Variants in FGF23 observed in about 807,000 individuals in gnomAD.
FGF23 encodes phosphatonin.
A neutral mutation model predicts 9.0 loss-of-function variants in FGF23; 8 were observed. The observed-to-expected ratio is 0.89, with a 90% confidence interval of 0.52 to 1.60. The LOEUF (loss-of-function observed/expected upper bound fraction) is 1.60, where lower values mean the gene tolerates loss of function less well. FGF23 is among the 40% of genes most tolerant of loss of function. FGF23 has a pLI of 0.00. For synonymous variants in FGF23, 118 were observed against 146.2 expected (o/e 0.81, Z 1.39); for missense variants, 311 against 344.3 (o/e 0.90, Z 0.77).
In FGF23 at chr12:4,368,272, C is replaced by T; in HGVS notation, c.*2071G>A. On this transcript the variant is annotated 3_prime_UTR_variant, in exon 3 of 3. Transcript: ENST00000237837. ...AAAACTTAAATAATTCTGTCTAGATCAATTAAAATCATTGAGTCTCCTTAT... is the reference window on the plus strand; with the variant it reads ...AAAACTTAAATAATTCTGTCTAGATTAATTAAAATCATTGAGTCTCCTTAT... 5.8e-6 allele frequency: 1 copy of T among 172,138 alleles called. No homozygotes were observed. The allele number at this position is 172,138 out of a possible 1,614,324, so 10.7% of individuals were successfully genotyped here.
intron 2 of FGF23, among the ~76,000 whole-genome samples, chr12:4,371,024 A>G (rs185470697): frequency 3.9e-5 from 6 of 152,280 alleles, no homozygotes; most frequent in African/African-American, 1.4e-4. Context: ...TACTGCCTGG[A>G]GGCCCGGGCT....
chr12:4,379,222 CACACACACACACAAAG>C, intron 1 of FGF23, 134 bp downstream of exon 1: 1 of 631,616 alleles, frequency 1.6e-6, no homozygotes, highest in Non-Finnish European at 2.9e-6. Flanking sequence ...CACACACAAA[CACACACACACACAAAG>C]ACAATAAGTG....
chr12:4,375,883 C>G (rs538164333), intron 1 of FGF23, among the ~76,000 whole-genome samples: 1 of 152,296 alleles, frequency 6.6e-6, no homozygotes, highest in East Asian at 1.9e-4. Context: ...TCAACCTCTG[C>G]TTATAGAAGT....
Position 4,379,650 on chromosome 12 carries a change from C to A in FGF23, c.-68G>T. The A allele has an allele frequency of 7.3e-7, 1 of 1,367,104 alleles. No homozygotes were observed. The allele number at this position is 1,367,104 out of a possible 1,614,324, so 84.7% of individuals were successfully genotyped here. A position where few individuals can be genotyped will look rare whatever the true frequency, so the allele number is the denominator to read the frequency against. Reference sequence around the variant, plus strand: ...CACTCCTGTCGGGACTCTCCTGGCCCAGGCCTTACTGGCCTTTTCCTTCTC... The same window carrying A: ...CACTCCTGTCGGGACTCTCCTGGCCAAGGCCTTACTGGCCTTTTCCTTCTC... On this transcript the variant is annotated 5_prime_UTR_variant, in exon 1 of 3. Coordinates refer to ENST00000237837, the MANE Select transcript of FGF23 (RefSeq NM_020638.3).
Position 4,372,607 on chromosome 12 carries a change from T to C in FGF23, c.302A>G (p.Asn101Ser). 1.2e-6 allele frequency: 2 copies of C among 1,606,600 alleles called. No homozygotes were observed. The highest frequency in any genetic ancestry group is 1.7e-6 in the Non-Finnish European group (2 of 1,173,108). Reference sequence around the variant, plus strand: ...AAAGAAACTCACTGATCCAAAAATGTTGCCTCTGAAATCCATGCAGAGGTA... The same window carrying C: ...AAAGAAACTCACTGATCCAAAAATGCTGCCTCTGAAATCCATGCAGAGGTA... ...RRYLCMDFRG[N>S]IFGSHYFDPE... Residue 101 changes from asparagine (N) to serine (S), a missense_variant, in exon 2 of 3, where the codon AAC becomes AGC. Asn to Ser is a conservative substitution (Grantham distance 46, BLOSUM62 1). Coordinates refer to ENST00000237837, the MANE Select transcript of FGF23 (RefSeq NM_020638.3).
intron 1 of FGF23, among the ~76,000 whole-genome samples, chr12:4,374,940 T>A (rs1025388193): frequency 6.6e-6 from 1 of 152,098 alleles, no homozygotes; most frequent in African/African-American, 2.4e-5. Flanking sequence ...ACTAAGAGTC[T>A]GAGAAGACAA....
intron 1 of FGF23, among the ~76,000 whole-genome samples, 166 bp downstream of exon 1, chr12:4,379,206 C>CACACACACACAA (rs2120746519): frequency 6.6e-6 from 1 of 150,616 alleles, no homozygotes; most frequent in Admixed American, 6.6e-5. Flanking sequence ...CACACGCACA[C>CACACACACACAA]ACACACACAC....
rs1038470722 is a variant in FGF23, at chr12:4,368,853, C to T, written c.*1490G>A. 5 of 217,634 alleles carry T rather than the reference C, an allele frequency of 2.3e-5. No individual in the cohort carries two copies. The highest frequency in any genetic ancestry group is 1.1e-4 in the African/African-American group (5 of 44,486). 13.5% of individuals were successfully genotyped at this position (217,634 alleles called of 1,614,324 possible). ...CCAGTCCTTCAAGTTCAGCTTAAAA[C>T]CATCAGGTAAAAACAGTTGCCCAAC... On this transcript the variant is annotated 3_prime_UTR_variant, in exon 3 of 3. Transcript: ENST00000237837.
chr12:4,374,076 A>G lies in FGF23; in HGVS notation c.212-1379T>C, dbSNP rs182022761. 2.6e-5 allele frequency among the ~76,000 whole-genome samples: 4 copies of G among 152,344 alleles called. No homozygotes were observed. In the East Asian group the frequency reaches 7.7e-4, roughly 29 times the overall value. ...AGCAATAATTAGGTACTAGCTGAGT[A>G]GAAATCATGATAGGGACTGAAATTG... is the stretch of plus-strand genomic sequence containing the variant. On this transcript the variant is annotated intron_variant, in intron 1 of 2. Coordinates refer to ENST00000237837, the MANE Select transcript of FGF23 (RefSeq NM_020638.3).
At chr12:4,374,908 T>G (rs918311220) in intron 1 of FGF23, among the ~76,000 whole-genome samples, 6 of 152,138 alleles carry the variant, frequency 3.9e-5, no homozygotes, top group Non-Finnish European at 5.9e-5. Flanking sequence ...CACCACCCGG[T>G]AACAAGCCTC....
chr12:4,373,975 T>G (rs1269209532), intron 1 of FGF23, among the ~76,000 whole-genome samples: 1 of 151,988 alleles, frequency 6.6e-6, no homozygotes, highest in Non-Finnish European at 1.5e-5. Context: ...TGGAGCCTTG[T>G]GGGGGTGATT....
intron 1 of FGF23, among the ~76,000 whole-genome samples, chr12:4,378,765 G>C (rs1181879299): frequency 6.6e-6 from 1 of 151,626 alleles, no homozygotes; most frequent in Non-Finnish European, 1.5e-5. Flanking sequence ...TGGATGGATG[G>C]ATGGATGGAT....
chr12:4,375,655 T>C (rs1440733758), intron 1 of FGF23, among the ~76,000 whole-genome samples: 1 of 152,130 alleles, frequency 6.6e-6, no homozygotes, highest in Non-Finnish European at 1.5e-5. Flanking sequence ...TTGGAACAGC[T>C]TGGGATTTGG....
chr12:4,373,597 A>T (rs903128922), intron 1 of FGF23, among the ~76,000 whole-genome samples: 30 of 152,196 alleles, frequency 2.0e-4, no homozygotes, highest in Middle Eastern at 3.4e-3. Context: ...CCCTCTCAAA[A>T]ACTAGTCTCC....
chr12:4,370,637 G>C lies in FGF23; in HGVS notation c.462C>G (p.Tyr154Ter). The C allele has an allele frequency of 6.2e-7, 1 of 1,614,148 alleles. No individual in the cohort carries two copies. The highest frequency in any genetic ancestry group is 1.1e-5 in the South Asian group (1 of 91,078). ...AFLPGMNPPP[Y>*]SQFLSRRNEI... ...CGTTCCTCCGGGACAGGAACTGGGA[G>C]TACGGGGGTGGGTTCATGCCTGGCA... Residue 154 changes from tyrosine (Y) to a stop codon, truncating the protein, a stop_gained, in exon 3 of 3, where the codon TAC becomes TAG. Transcript: ENST00000237837. LOFTEE classifies it low-confidence loss of function (END_TRUNC).
chr12:4,370,374 T>C lies in FGF23; in HGVS notation c.725A>G (p.Glu242Gly), dbSNP rs533960997. 39 of 1,613,604 alleles carry C rather than the reference T, an allele frequency of 2.4e-5. No homozygotes were observed. In the African/African-American group the frequency reaches 5.1e-4, roughly 21 times the overall value. The change falls in exon 3 of 3, where the codon GAA becomes GGA. Residue 242 changes from glutamate (E) to glycine (G), a missense_variant. Coordinates refer to ENST00000237837, the MANE Select transcript of FGF23 (RefSeq NM_020638.3). ...VNTHAGGTGP[E>G]GCRPFAKFI is the part of the protein sequence containing the mutation. ...GAACTTGGCGAAGGGGCGGCAGCCT[T>C]CCGGGCCCGTTCCCCCAGCGTGCGT...
chr12:4,378,477 C>T (rs1865142698), intron 1 of FGF23, among the ~76,000 whole-genome samples: 1 of 152,160 alleles, frequency 6.6e-6, no homozygotes, highest in Admixed American at 6.5e-5. Context: ...CACATTACCC[C>T]TTATATAGGT....
At chr12:4,375,301 G>A (rs118079486) in intron 1 of FGF23, among the ~76,000 whole-genome samples, 187 of 152,292 alleles carry the variant, frequency 1.2e-3, no homozygotes, top group Middle Eastern at 3.4e-3. Flanking sequence ...GTCAGTGTGG[G>A]CAGTGTGTAT....
rs71583766 is a variant in FGF23 at position 4,369,345 on chromosome 12, G to C, written c.*998C>G. ...CCCAGAGCAGTCCCAGTCTCTCAAA[G>C]CCCCCTTCCCAGTCACATTTTTGTA... is the stretch of plus-strand genomic sequence containing the variant. On this transcript the variant is annotated 3_prime_UTR_variant, in exon 3 of 3. Transcript: ENST00000237837. 2.0e-4 allele frequency: 47 copies of C among 231,660 alleles called. No homozygotes were observed. Among genetic ancestry groups the C allele is most frequent in the Middle Eastern group, 1.3e-3 (1 of 784 alleles). The allele number at this position is 231,660 out of a possible 1,614,324, so 14.4% of individuals were successfully genotyped here.
Sources: gnomAD v4.1 joint callset for allele counts (sites outside exome capture counted in the v4.1 genomes callset) on GRCh38, gnomAD v4.1.1 for gene constraint, MANE v1.5 for transcripts, NCBI Gene and HGNC (gene_info 2026-07-23, HGNC 2026-07-21) for gene names.